The following BICC1 variants were observed in gnomAD, a reference collection of about 807,000 sequenced individuals.
BICC1 encodes BicC family RNA binding protein 1.
A neutral mutation model predicts 111.0 loss-of-function variants in BICC1; 43 were observed. The ratio of observed to expected loss-of-function variants is 0.39; its 90% CI spans 0.30 to 0.50. BICC1 has a LOEUF of 0.50. Among genes scored for constraint, BICC1 ranks in the 20% least tolerant of loss-of-function variants. The probability of loss-of-function intolerance (pLI) is 0.88; values close to 1 mark genes in which losing one functional copy is unlikely to be tolerated. For missense variants in BICC1, 1,091 were observed against 1,203.2 expected, an observed-to-expected ratio of 0.91 and a Z score of 1.38; for synonymous variants, 467 against 434.4, an observed-to-expected ratio of 1.07 and a Z score of -0.93.
rs1442187596 is a variant in BICC1, at chr10:58,830,632, G to A, written c.*1741G>A. The A allele has an allele frequency of 6.6e-6, 1 of 152,084 alleles. No homozygotes were observed. The highest frequency in any genetic ancestry group is 1.5e-5 in the Non-Finnish European group (1 of 68,018). 9.4% of individuals were successfully genotyped at this position (152,084 alleles called of 1,614,324 possible). A position where few individuals can be genotyped will look rare whatever the true frequency, so the allele number is the denominator to read the frequency against. ...CATTCTCACTTTAAAAAATGGTATT[G>A]GTTACCTTGAAGGCATAGATAATGG... On this transcript the variant is annotated 3_prime_UTR_variant, in exon 21 of 21. Coordinates refer to ENST00000373886, the MANE Select transcript of BICC1 (RefSeq NM_001080512.3).
chr10:58,534,722 C>T (rs2131863912), intron 1 of BICC1, among the ~76,000 whole-genome samples: 2 of 151,616 alleles, frequency 1.3e-5, no homozygotes, highest in East Asian at 3.9e-4. Context: ...CACTAACTCT[C>T]CAGCAGTGGA....
chr10:58,669,680 C>T (rs1839122004), intron 2 of BICC1, among the ~76,000 whole-genome samples: 1 of 152,070 alleles, frequency 6.6e-6, no homozygotes, highest in South Asian at 2.1e-4. Context: ...ATAGGTCCCA[C>T]ATAGCTGCCA....
At chr10:58,530,001 ATCT>A (rs1842639286) in intron 1 of BICC1, among the ~76,000 whole-genome samples, 1 of 151,762 alleles carries the variant, frequency 6.6e-6, no homozygotes, top group Non-Finnish European at 1.5e-5. Flanking sequence ...TAGTGAGGCC[ATCT>A]ACAATGGGAA....
At chr10:58,761,363 G>A (rs1295634875) in intron 3 of BICC1, among the ~76,000 whole-genome samples, 1 of 152,188 alleles carries the variant, frequency 6.6e-6, no homozygotes, top group African/African-American at 2.4e-5. Flanking sequence ...TAAAATCGAT[G>A]TGAGAGAAAC....
chr10:58,542,389 A>G (rs1442044098), intron 1 of BICC1, among the ~76,000 whole-genome samples: 1 of 152,100 alleles, frequency 6.6e-6, no homozygotes, highest in Non-Finnish European at 1.5e-5. Flanking sequence ...ATTAAGACCT[A>G]AATGTAATAC....
Position 58,653,493 on chromosome 10 carries a change from C to T in BICC1, c.237+32592C>T, listed in dbSNP as rs187730598. 1.4e-4 allele frequency among the ~76,000 whole-genome samples: 22 copies of T among 152,250 alleles called. No homozygotes were observed. In the East Asian group the frequency reaches 3.3e-3, roughly 23 times the overall value. On this transcript the variant is annotated intron_variant, in intron 2 of 20. Transcript: ENST00000373886. ...CATAAGCATCAAACTGTGCACCCCA[C>T]TTCTGAAGAGTGGCTTTATTTCAGT...
Position 58,803,159 on chromosome 10 carries a change from C to T in BICC1, c.2098C>T (p.Arg700Cys), listed in dbSNP as rs775279009. The T allele has an allele frequency of 6.2e-7, 1 of 1,611,588 alleles. No homozygotes were observed. The highest frequency in any genetic ancestry group is 2.2e-5 in the East Asian group (1 of 44,786). The change falls in exon 15 of 21, where the codon CGC becomes TGC. Residue 700 changes from arginine to cysteine, a missense_variant. Coordinates refer to ENST00000373886, the MANE Select transcript of BICC1 (RefSeq NM_001080512.3). ...TGACAAGAAGGCTCCAGGGAGTGAGCGCGCTGCAGAGAGGGCAGCAGCTGC... is the reference window on the plus strand; with the variant it reads ...TGACAAGAAGGCTCCAGGGAGTGAGTGCGCTGCAGAGAGGGCAGCAGCTGC... ...LADKKAPGSERAAERAAAAQQ... is the reference protein window; with the variant it reads ...LADKKAPGSECAAERAAAAQQ...
intron 1 of BICC1, among the ~76,000 whole-genome samples, chr10:58,584,753 A>G (rs1844383258): frequency 6.6e-6 from 1 of 151,482 alleles, no homozygotes; most frequent in Admixed American, 6.6e-5. Context: ...CACCTGGGTA[A>G]ATTGGGATGA....
At chr10:58,582,801 A>G (rs1844318978) in intron 1 of BICC1, among the ~76,000 whole-genome samples, 1 of 152,160 alleles carries the variant, frequency 6.6e-6, no homozygotes. Context: ...GCAGCAAAGC[A>G]CCTGATTCTT....
chr10:58,758,274 A>G (rs1842202966), intron 3 of BICC1, among the ~76,000 whole-genome samples: 2 of 152,330 alleles, frequency 1.3e-5, no homozygotes, highest in African/African-American at 4.8e-5. Flanking sequence ...AGCATGTGCC[A>G]TATATACTTA....
intron 2 of BICC1, among the ~76,000 whole-genome samples, chr10:58,655,271 G>T (rs1838598552): frequency 7.2e-6 from 1 of 139,502 alleles, no homozygotes; most frequent in Non-Finnish European, 1.6e-5. Context: ...AATTACCTTG[G>T]GCAGTTTGGC....
chr10:58,740,436 G>T (rs1474273330), intron 3 of BICC1, among the ~76,000 whole-genome samples: 1 of 152,136 alleles, frequency 6.6e-6, no homozygotes, highest in Non-Finnish European at 1.5e-5. Flanking sequence ...ATTTCAAAAT[G>T]AGATCAGCTC....
chr10:58,717,016 C>T (rs1840766220), intron 3 of BICC1, among the ~76,000 whole-genome samples: 1 of 147,062 alleles, frequency 6.8e-6, no homozygotes, highest in South Asian at 2.1e-4. Context: ...TGGGATTTAC[C>T]TCCACTTCAG....
At chr10:58,706,774 G>GT (rs1236701637) in intron 3 of BICC1, among the ~76,000 whole-genome samples, 1 of 152,198 alleles carries the variant, frequency 6.6e-6, no homozygotes, top group Non-Finnish European at 1.5e-5. Flanking sequence ...TGCCATGATT[G>GT]TAAGTTTCCT....
chr10:58,595,512 A>C (rs936731979), intron 1 of BICC1, among the ~76,000 whole-genome samples: 1 of 152,152 alleles, frequency 6.6e-6, no homozygotes, highest in East Asian at 1.9e-4. Context: ...CATAACGAAC[A>C]GTCTCTCAGA....
At chr10:58,705,995 GAAC>G (rs1198206058) in intron 3 of BICC1, among the ~76,000 whole-genome samples, 5 of 152,152 alleles carry the variant, frequency 3.3e-5, no homozygotes, top group African/African-American at 1.2e-4. Flanking sequence ...TCACGATTAA[GAAC>G]AACAAAGCAA....
In BICC1 at chr10:58,824,076, A is replaced by G. The variant is rs1050657329; in HGVS notation, c.2794+3608A>G. On this transcript the variant is annotated intron_variant, in intron 20 of 20. Coordinates refer to ENST00000373886, the MANE Select transcript of BICC1 (RefSeq NM_001080512.3). Reference sequence around the variant, plus strand: ...TAAATTTGGCATGTTAAAATAGCAAATAAAGCTCTGTTATCTGGCATACTT... The same window carrying G: ...TAAATTTGGCATGTTAAAATAGCAAGTAAAGCTCTGTTATCTGGCATACTT... 1.1e-5 allele frequency: 11 copies of G among 984,146 alleles called. No individual in the cohort carries two copies. The Admixed American group carries it at 2.5e-4, about 22-fold the overall frequency. The allele number at this position is 984,146 out of a possible 1,614,324, so 61.0% of individuals were successfully genotyped here.
chr10:58,575,345 C>T (rs549283698), intron 1 of BICC1, among the ~76,000 whole-genome samples: 7 of 152,138 alleles, frequency 4.6e-5, no homozygotes, highest in African/African-American at 1.4e-4. Context: ...CACACTGCTC[C>T]GTGGTTTCAG....
chr10:58,792,152 A>G (rs984758599), intron 8 of BICC1, among the ~76,000 whole-genome samples: 1 of 152,144 alleles, frequency 6.6e-6, no homozygotes, highest in Admixed American at 6.6e-5. Context: ...CCATTTACAA[A>G]TTCCAGCACC....
Sources: allele counts gnomAD v4.1 joint callset (sites outside exome capture counted in the v4.1 genomes callset), GRCh38; gene constraint gnomAD v4.1.1; transcripts MANE v1.5; gene names NCBI Gene and HGNC (gene_info 2026-07-23, HGNC 2026-07-21).